The following WASHC4 variants were observed in gnomAD, a reference collection of about 807,000 sequenced individuals.
WASHC4 encodes WASH complex subunit 4.
WASHC4 carries 86 observed loss-of-function variants against 166.6 expected under a neutral mutation model. The observed-to-expected ratio is 0.52, with a 90% CI of 0.43 to 0.62. WASHC4 has a LOEUF of 0.62. Among genes scored for constraint, WASHC4 ranks in the 20% least tolerant of loss-of-function variants. The probability of loss-of-function intolerance (pLI) is 0.00; values close to 1 mark genes in which losing one functional copy is unlikely to be tolerated. For missense variants in WASHC4, 1,262 were observed against 1,382.4 expected (o/e 0.91, Z 1.38); for synonymous variants, 446 against 451.6 (o/e 0.99, Z 0.16).
chr12:105,142,986 T>A (rs919837033), intron 19 of WASHC4, 141 bp from the exon 20 acceptor site: 2 of 645,368 alleles, frequency 3.1e-6, no homozygotes, highest in African/African-American at 3.7e-5. Context: ...TCTTTTTCTT[T>A]AGGAAAGTTA....
rs549725716 is a variant in WASHC4, at chr12:105,137,715, T to A, written c.1327-171T>A. Among the ~76,000 whole-genome samples the A allele has an allele frequency of 2.0e-5, 3 of 152,314 alleles. No individual in the cohort carries two copies. In the East Asian group the frequency reaches 5.8e-4, roughly 29 times the overall value. The stretch of plus-strand genomic sequence containing the variant: ...GCTGCTTTGAAACTTAACCACCATG[T>A]ATAACATTGTCTCTGTGAGGAAGAG... On this transcript the variant is annotated intron_variant, in intron 14 of 32. Coordinates refer to ENST00000332180, the MANE Select transcript of WASHC4 (RefSeq NM_015275.3).
chr12:105,138,082 G>C (rs764123927), intron 15 of WASHC4, 71 bp downstream of exon 15: 10 of 1,502,212 alleles, frequency 6.7e-6, no homozygotes, highest in Admixed American at 3.8e-5. Flanking sequence ...GGATAATCTT[G>C]TAAGGTTTGA....
Position 105,115,746 on chromosome 12 carries a change from T to C in WASHC4, c.435+18T>C, listed in dbSNP as rs570502254. On this transcript the variant is annotated intron_variant, in intron 6 of 32. Transcript: ENST00000332180. ...TCTTACAGGTAACTGATTTTTACTT[T>C]CTACTGAGCTTTTACTTCAAAAAGT... The C allele has an allele frequency of 1.1e-4, 167 of 1,514,062 alleles. 2 individuals are homozygous for C. The South Asian group carries it at 1.8e-3, about 16-fold the overall frequency. The allele number at this position is 1,514,062 out of a possible 1,614,324, so 93.8% of individuals were successfully genotyped here. A position where few individuals can be genotyped will look rare whatever the true frequency, so the allele number is the denominator to read the frequency against.
chr12:105,131,793 G>A lies in WASHC4; in HGVS notation c.1200-1977G>A, dbSNP rs79776783. Among the ~76,000 whole-genome samples, 594 of 152,310 alleles carry A rather than the reference G, an allele frequency of 3.9e-3. 4 individuals carry two copies. The highest frequency in any genetic ancestry group is 0.014 in the African/African-American group (567 of 41,566). ...ATGTTTCAGCACCACTCTAAGCAAA[G>A]CCACAAAGTATGACTATTTGTGTTT... On this transcript the variant is annotated intron_variant, in intron 13 of 32. Transcript: ENST00000332180.
rs780338814 is a variant in WASHC4, at chr12:105,168,195, A to G, written c.*1264A>G. ...TTCCAGCTTTTAGAATGGGTGTACA[A>G]TGCCCTGTTTGTACTTACTGGTTAG... On this transcript the variant is annotated 3_prime_UTR_variant, in exon 33 of 33. Coordinates refer to ENST00000332180, the MANE Select transcript of WASHC4 (RefSeq NM_015275.3). The G allele has an allele frequency of 6.6e-6, 1 of 152,320 alleles. No homozygotes were observed. The highest frequency in any genetic ancestry group is 1.5e-5 in the Non-Finnish European group (1 of 67,930). The allele number at this position is 152,320 out of a possible 1,614,324, so 9.4% of individuals were successfully genotyped here.
chr12:105,122,095 TG>T (rs780193444), intron 9 of WASHC4, 22 bp from the exon 10 acceptor site: 2 of 1,541,136 alleles, frequency 1.3e-6, no homozygotes, highest in African/African-American at 2.7e-5. Context: ...AGATTTAAGA[TG>T]TTTCTCTTAA....
At chr12:105,163,790 A>T (rs1399994034) in intron 30 of WASHC4, among the ~76,000 whole-genome samples, 1 of 152,168 alleles carries the variant, frequency 6.6e-6, no homozygotes, top group Non-Finnish European at 1.5e-5. Context: ...GATTATAGGT[A>T]CAAGTCATGG....
chr12:105,127,065 T>G, intron 12 of WASHC4, 64 bp from the exon 13 acceptor site: 1 of 1,424,624 alleles, frequency 7.0e-7, no homozygotes, highest in Middle Eastern at 1.7e-4. Flanking sequence ...TTATAGAACT[T>G]TTAAACAGCT....
In WASHC4 at chr12:105,120,660, G is replaced by T; in HGVS notation, c.561+63G>T. 3.4e-6 allele frequency: 4 copies of T among 1,167,646 alleles called. No homozygotes were observed. In the East Asian group the frequency reaches 9.4e-5, roughly 27 times the overall value. The allele number at this position is 1,167,646 out of a possible 1,614,324, so 72.3% of individuals were successfully genotyped here. A position where few individuals can be genotyped will look rare whatever the true frequency, so the allele number is the denominator to read the frequency against. ...ATTACTATATTTTACTTTGGAGTTT[G>T]TATGGTTGGAGAGTATGACAGTCAT... On this transcript the variant is annotated intron_variant, in intron 8 of 32. Transcript: ENST00000332180.
At chr12:105,138,036 T>A in intron 15 of WASHC4, 25 bp downstream of exon 15, 1 of 1,603,188 alleles carries the variant, frequency 6.2e-7, no homozygotes, top group Non-Finnish European at 8.5e-7. Context: ...ATTTTACTGC[T>A]CCATCATAAT....
At chr12:105,149,499 A>G (rs1397444768) in intron 24 of WASHC4, 116 bp from the exon 25 acceptor site, 2 of 941,556 alleles carry the variant, frequency 2.1e-6, no homozygotes, top group African/African-American at 3.4e-5. Flanking sequence ...GACTTTTTAA[A>G]TAGTACTTTA....
chr12:105,164,240 C>T lies in WASHC4; in HGVS notation c.3287C>T (p.Ala1096Val), dbSNP rs969917209. The stretch of plus-strand genomic sequence containing the variant: ...GCTAAGCAACAGAATGTACAGTCAG[C>T]CAGTCAAGATGAAAAACTCTTACAA... ...AVAKQQNVQSASQDEKLLQTM... is the reference protein window; with the variant it reads ...AVAKQQNVQSVSQDEKLLQTM... The change falls in exon 31 of 33, where the codon GCC (alanine) becomes GTC (valine). Residue 1096 changes from alanine (A) to valine (V), a missense_variant. Physicochemically the swap from Ala to Val is moderately conservative, Grantham distance 64 (BLOSUM62 0). Transcript: ENST00000332180. 3.7e-6 allele frequency: 6 copies of T among 1,613,914 alleles called. No homozygotes were observed. The African/African-American group carries it at 8.0e-5, about 22-fold the overall frequency.
intron 18 of WASHC4, 64 bp from the exon 19 acceptor site, chr12:105,142,389 T>G: frequency 1.1e-6 from 1 of 925,216 alleles, no homozygotes; most frequent in Non-Finnish European, 1.8e-6. Context: ...GTAGATGTCA[T>G]TCCTTTCATA....
chr12:105,161,623 G>C (rs1884501933), intron 29 of WASHC4, among the ~76,000 whole-genome samples: 2 of 152,170 alleles, frequency 1.3e-5, no homozygotes, highest in Admixed American at 1.3e-4. Flanking sequence ...TACTGTTCTT[G>C]TACTTGTGTT....
At position 105,144,745 on chromosome 12, in the gene WASHC4, C is replaced by G; in HGVS notation, c.2207C>G (p.Thr736Ser). Residue 736 changes from threonine (T) to serine (S), a missense_variant, in exon 22 of 33, where the codon ACT (threonine) becomes AGT (serine). By Grantham distance (58) the Thr-to-Ser change is moderately conservative (BLOSUM62 1). Transcript: ENST00000332180. ...RAYVTHYLDK[T>S]FYNLTTVALH... ...TACGTAACTCACTACCTAGACAAGA[C>G]TTTCTACAATCTAACAACTGTAGCC... 1 of 1,611,488 alleles carries G rather than the reference C, an allele frequency of 6.2e-7. No individual in the cohort carries two copies.
At chr12:105,166,595 G>T (rs1343455459) in intron 32 of WASHC4, among the ~76,000 whole-genome samples, 2 of 152,074 alleles carry the variant, frequency 1.3e-5, no homozygotes, top group Non-Finnish European at 2.9e-5. Context: ...AGCCCATGTG[G>T]TTTGAAGCCC....
chr12:105,123,833 A>G (rs894999432), intron 10 of WASHC4, among the ~76,000 whole-genome samples: 4 of 152,196 alleles, frequency 2.6e-5, no homozygotes, highest in Non-Finnish European at 4.4e-5. Context: ...GGAAAAGTCA[A>G]TTCCTGGCTT....
chr12:105,114,351 C>T lies in WASHC4; in HGVS notation c.256-11C>T. 2 of 1,599,354 alleles carry T rather than the reference C, an allele frequency of 1.3e-6. No individual in the cohort carries two copies. The highest frequency in any genetic ancestry group is 1.8e-4 in the Middle Eastern group (1 of 5,468). ...ATTTACTTTTTATTTTGTTTTTACT[C>T]ATGAAACTAGGTCTTAAACAAAGTC... is the stretch of plus-strand genomic sequence containing the variant. On this transcript the variant is annotated splice_polypyrimidine_tract_variant and intron_variant, in intron 3 of 32. Coordinates refer to ENST00000332180, the MANE Select transcript of WASHC4 (RefSeq NM_015275.3).
At chr12:105,141,621 A>G (rs1429391419) in intron 18 of WASHC4, among the ~76,000 whole-genome samples, 1 of 152,122 alleles carries the variant, frequency 6.6e-6, no homozygotes, top group Non-Finnish European at 1.5e-5. Context: ...GTGTTCTATG[A>G]TTTTATTTTA....
Sources: allele counts gnomAD v4.1 joint callset (sites outside exome capture counted in the v4.1 genomes callset), GRCh38; gene constraint gnomAD v4.1.1; transcripts MANE v1.5; gene names NCBI Gene and HGNC (gene_info 2026-07-23, HGNC 2026-07-21).